CFI: variants seen among roughly 807,000 people sequenced by gnomAD.
The protein encoded by CFI is C3B/C4B inactivator.
Under a neutral mutation model 78.8 loss-of-function variants are expected in CFI, and 66 were observed. The ratio of observed to expected loss-of-function variants is 0.84; its 90% confidence interval spans 0.69 to 1.03. The LOEUF (loss-of-function observed/expected upper bound fraction) is 1.03, where lower values mean the gene tolerates loss of function less well. Among genes scored for constraint, CFI ranks in the 50% least tolerant of loss-of-function variants. The probability of loss-of-function intolerance (pLI) is 0.00; values close to 1 mark genes in which losing one functional copy is unlikely to be tolerated. For missense variants in CFI, 706 were observed against 704.5 expected (o/e 1.00, Z -0.02); for synonymous variants, 250 against 232.6 (o/e 1.07, Z -0.68).
At chr4:109,793,212 T>G (rs1379294674) in intron 1 of CFI, among the ~76,000 whole-genome samples, 1 of 152,254 alleles carries the variant, frequency 6.6e-6, no homozygotes, top group Non-Finnish European at 1.5e-5. Context: ...ATTGATAACT[T>G]GGCTTTGAGA....
Position 109,780,660 on chromosome 4 carries a change from G to T in CFI, c.58-13836C>A, listed in dbSNP as rs570200168. On this transcript the variant is annotated intron_variant, in intron 1 of 12. Coordinates refer to ENST00000394634, the MANE Select transcript of CFI (RefSeq NM_000204.5). The stretch of plus-strand genomic sequence containing the variant: ...TCCCATTACTGGGCATATACCCAAA[G>T]AATTATAAATCATGCTGATATAAAG... Among the ~76,000 whole-genome samples the T allele has an allele frequency of 3.3e-5, 5 of 152,264 alleles. No individual in the cohort carries two copies. In the South Asian group the frequency reaches 1.0e-3, roughly 32 times the overall value.
chr4:109,777,726 T>A (rs905523013), intron 1 of CFI, among the ~76,000 whole-genome samples: 1 of 152,190 alleles, frequency 6.6e-6, no homozygotes, highest in African/African-American at 2.4e-5. Context: ...GACCACATAG[T>A]TGGAAGTAAA....
chr4:109,752,416 A>T, intron 8 of CFI, 52 bp downstream of exon 8: 1 of 1,553,182 alleles, frequency 6.4e-7, no homozygotes, highest in Non-Finnish European at 8.9e-7. Context: ...TGACACTGAA[A>T]TTACAGCCTA....
chr4:109,751,118 A>G (rs1725079258), intron 8 of CFI, among the ~76,000 whole-genome samples: 1 of 152,074 alleles, frequency 6.6e-6, no homozygotes. Context: ...TTTCTTTCTA[A>G]GGAACTGGAC....
At chr4:109,792,758 T>C (rs1237011859) in intron 1 of CFI, among the ~76,000 whole-genome samples, 1 of 152,224 alleles carries the variant, frequency 6.6e-6, no homozygotes, top group Non-Finnish European at 1.5e-5. Flanking sequence ...GGTTTTTGAC[T>C]TAAGGTCTAT....
intron 1 of CFI, among the ~76,000 whole-genome samples, chr4:109,777,700 C>T (rs935470231): frequency 2.6e-5 from 4 of 152,206 alleles, no homozygotes; most frequent in Admixed American, 1.3e-4. Context: ...CACCACATCA[C>T]ACTTATTCCA....
intron 1 of CFI, among the ~76,000 whole-genome samples, chr4:109,795,501 T>G (rs1429332866): frequency 6.6e-6 from 1 of 152,174 alleles, no homozygotes; most frequent in Non-Finnish European, 1.5e-5. Flanking sequence ...AAAGCTCCAA[T>G]AAGTGACTCT....
intron 1 of CFI, among the ~76,000 whole-genome samples, chr4:109,800,654 A>T (rs557024859): frequency 6.6e-6 from 1 of 152,154 alleles, no homozygotes; most frequent in Admixed American, 6.5e-5. Context: ...AAATAGAATC[A>T]CCAGTAATCT....
intron 1 of CFI, among the ~76,000 whole-genome samples, chr4:109,777,370 C>G (rs1386649342): frequency 6.6e-6 from 1 of 152,038 alleles, no homozygotes; most frequent in African/African-American, 2.4e-5. Flanking sequence ...CAACAAAGAT[C>G]AAAAGAGACA....
chr4:109,785,185 C>T (rs1697313136), intron 1 of CFI, among the ~76,000 whole-genome samples: 1 of 152,082 alleles, frequency 6.6e-6, no homozygotes, highest in Non-Finnish European at 1.5e-5. Flanking sequence ...CTCAGCCCGC[C>T]TGCACCCAGG....
Position 109,797,930 on chromosome 4 carries a change from A to C in CFI, c.57+3985T>G, listed in dbSNP as rs182784996. 3.5e-3 allele frequency among the ~76,000 whole-genome samples: 537 copies of C among 152,334 alleles called. 9 individuals are homozygous for C. The highest frequency in any genetic ancestry group is 3.1e-3 in the Non-Finnish European group (213 of 68,014). On this transcript the variant is annotated intron_variant, in intron 1 of 12. Coordinates refer to ENST00000394634, the MANE Select transcript of CFI (RefSeq NM_000204.5). The stretch of plus-strand genomic sequence containing the variant: ...TAGCTGAGGATATGCAGAAAGGGAA[A>C]TTCTTCTACAGTTGTGGAAGAATTG...
chr4:109,771,174 G>A (rs2126232260), intron 1 of CFI, among the ~76,000 whole-genome samples: 1 of 151,390 alleles, frequency 6.6e-6, no homozygotes, highest in Middle Eastern at 3.5e-3. Flanking sequence ...AGCGGATCAT[G>A]AGGTCAGGAG....
chr4:109,799,572 A>G (rs1011793164), intron 1 of CFI, among the ~76,000 whole-genome samples: 1 of 152,206 alleles, frequency 6.6e-6, no homozygotes, highest in Non-Finnish European at 1.5e-5. Context: ...TACATGAAGA[A>G]ATTGTAAGTG....
At chr4:109,795,651 A>G (rs1731964873) in intron 1 of CFI, among the ~76,000 whole-genome samples, 1 of 152,204 alleles carries the variant, frequency 6.6e-6, no homozygotes, top group Admixed American at 6.5e-5. Flanking sequence ...TGAGATATTC[A>G]ACAAACATAA....
chr4:109,777,993 C>A lies in CFI; in HGVS notation c.58-11169G>T, dbSNP rs566233955. On this transcript the variant is annotated intron_variant, in intron 1 of 12. Transcript: ENST00000394634. ...GACACATTTAAAGCAGTGTGTAGAG[C>A]GAAATTTATAGCACTAAATGCCCAC... Among the ~76,000 whole-genome samples, 13 of 150,030 alleles carry A rather than the reference C, an allele frequency of 8.7e-5. No individual in the cohort carries two copies. The South Asian group carries it at 2.8e-3, about 32-fold the overall frequency.
In CFI at chr4:109,775,457, G is replaced by A. The variant is rs539627935; in HGVS notation, c.58-8633C>T. On this transcript the variant is annotated intron_variant, in intron 1 of 12. Transcript: ENST00000394634. ...GTGGCAGCAAGGCTGGGGGAGGGGC[G>A]TCTGCCATTGCTGAGGCTTGAGTAG... Among the ~76,000 whole-genome samples, 654 of 152,346 alleles carry A rather than the reference G, an allele frequency of 4.3e-3. 1 individual carries two copies. The highest frequency in any genetic ancestry group is 6.3e-3 in the Non-Finnish European group (426 of 68,022).
Position 109,800,755 on chromosome 4 carries a change from A to G in CFI, c.57+1160T>C, listed in dbSNP as rs77467596. On this transcript the variant is annotated intron_variant, in intron 1 of 12. Transcript: ENST00000394634. ...TATAAGTAGGTATAAGTATGCATTT[A>G]TATATATGCATATAAACACACATAC... is the stretch of plus-strand genomic sequence containing the variant. Among the ~76,000 whole-genome samples, 823 of 152,140 alleles carry G rather than the reference A, an allele frequency of 5.4e-3. 4 individuals are homozygous for G. The highest frequency in any genetic ancestry group is 0.019 in the African/African-American group (781 of 41,524).
At position 109,766,745 on chromosome 4, in the gene CFI, A is replaced by T; in HGVS notation, c.137T>A (p.Val46Asp). 3.1e-6 allele frequency: 5 copies of T among 1,614,178 alleles called. No homozygotes were observed. Among genetic ancestry groups the T allele is most frequent in the Non-Finnish European group, 4.2e-6 (5 of 1,179,992 alleles). The change falls in exon 2 of 13, where the codon GTC becomes GAC. Residue 46 changes from valine to aspartate, a missense_variant. By Grantham distance (152) the Val-to-Asp change is radical (BLOSUM62 -3). Coordinates refer to ENST00000394634, the MANE Select transcript of CFI (RefSeq NM_000204.5). ...GCATCTCTGCCATGGCTGGCAGAAG[A>T]CTTTATCGCAGGAGAGGTGAGTATA... ...KKYTHLSCDK[V>D]FCQPWQRCIE...
chr4:109,742,285 C>T lies in CFI; in HGVS notation c.1534+206G>A, dbSNP rs28703172. On this transcript the variant is annotated intron_variant, in intron 12 of 12. Coordinates refer to ENST00000394634, the MANE Select transcript of CFI (RefSeq NM_000204.5). Reference sequence around the variant, plus strand: ...TCACCTTGCTGTGCTGCTATAGAATCGCTTAAGGAGGATTTTTCCTCATAG... The same window carrying T: ...TCACCTTGCTGTGCTGCTATAGAATTGCTTAAGGAGGATTTTTCCTCATAG... 3.1e-3 allele frequency: 1,771 copies of T among 564,340 alleles called. 18 individuals are homozygous for T. Among genetic ancestry groups the T allele is most frequent in the African/African-American group, 0.03 (1,608 of 53,136 alleles). The allele number at this position is 564,340 out of a possible 1,614,324, so 35.0% of individuals were successfully genotyped here. A position where few individuals can be genotyped will look rare whatever the true frequency, so the allele number is the denominator to read the frequency against.
Sources: allele counts gnomAD v4.1 joint callset (sites outside exome capture counted in the v4.1 genomes callset), GRCh38; gene constraint gnomAD v4.1.1; transcripts MANE v1.5; gene names NCBI Gene and HGNC (gene_info 2026-07-23, HGNC 2026-07-21).